Variants in PLD5 observed in about 807,000 individuals in gnomAD.
PLD5 encodes the protein phospholipase D family member 5.
Under a neutral mutation model 61.1 loss-of-function variants are expected in PLD5, and 36 were observed. That is an observed-to-expected ratio of 0.59 (90% CI 0.45 to 0.78). The LOEUF is 0.78. Ranked by LOEUF, PLD5 falls within the 30% of genes least tolerant of loss-of-function variation. PLD5 has a pLI of 0.00. For missense variants in PLD5, 515 were observed against 644.4 expected (o/e 0.80, Z 2.17); for synonymous variants, 243 against 242.8 (o/e 1.00, Z -0.01).
At chr1:242,334,646 A>T (rs551271293) in intron 2 of PLD5, among the ~76,000 whole-genome samples, 1 of 152,146 alleles carries the variant, frequency 6.6e-6, no homozygotes, top group Non-Finnish European at 1.5e-5. Context: ...ACAGAAAGGA[A>T]TCAGAATATG....
chr1:242,515,552 C>G (rs980876407), intron 1 of PLD5, among the ~76,000 whole-genome samples: 1 of 152,334 alleles, frequency 6.6e-6, no homozygotes, highest in East Asian at 1.9e-4. Context: ...ATCATACTGT[C>G]TATGTCTGTC....
chr1:242,149,181 C>T (rs925560932), intron 5 of PLD5, among the ~76,000 whole-genome samples: 1 of 151,868 alleles, frequency 6.6e-6, no homozygotes, highest in Non-Finnish European at 1.5e-5. Flanking sequence ...TTCCTTTTAA[C>T]TCTAGTTTTC....
intron 1 of PLD5, among the ~76,000 whole-genome samples, chr1:242,391,669 T>C (rs1468541196): frequency 1.3e-5 from 2 of 152,144 alleles, no homozygotes; most frequent in Non-Finnish European, 2.9e-5. Context: ...AGAAATAGAA[T>C]ATCCACCTTA....
intron 5 of PLD5, among the ~76,000 whole-genome samples, chr1:242,169,176 T>C (rs1417028880): frequency 6.6e-6 from 1 of 152,006 alleles, no homozygotes; most frequent in Non-Finnish European, 1.5e-5. Context: ...ACAGCTCTAG[T>C]CTGCAGCTCC....
chr1:242,279,679 G>C (rs573568046), intron 3 of PLD5, among the ~76,000 whole-genome samples: 2 of 152,086 alleles, frequency 1.3e-5, no homozygotes, highest in Non-Finnish European at 1.5e-5. Context: ...GACTACAGGC[G>C]CCTGCCACCA....
chr1:242,190,763 T>A (rs1260747578), intron 5 of PLD5, among the ~76,000 whole-genome samples: 1 of 151,914 alleles, frequency 6.6e-6, no homozygotes, highest in Non-Finnish European at 1.5e-5. Context: ...AAAAATCCCA[T>A]ACAAGATGGC....
At chr1:242,407,908 C>A in intron 1 of PLD5, among the ~76,000 whole-genome samples, 1 of 146,328 alleles carries the variant, frequency 6.8e-6, no homozygotes, top group East Asian at 2.0e-4. Flanking sequence ...AAAAGGGAAG[C>A]AAAGAATACA....
intron 1 of PLD5, among the ~76,000 whole-genome samples, chr1:242,382,194 G>A (rs1662333369): frequency 6.6e-6 from 1 of 151,456 alleles, no homozygotes; most frequent in South Asian, 2.1e-4. Context: ...AGTTATCGAG[G>A]GTTGTATTTT....
chr1:242,203,431 G>C (rs1669113471), intron 5 of PLD5: 1 of 152,224 alleles, frequency 6.6e-6, no homozygotes, highest in Admixed American at 6.5e-5. Context: ...ATGTAATCTG[G>C]GTGTTTGTTC....
rs1375556918 is a variant in PLD5 at position 242,085,438 on chromosome 1, A to G, written c.*4416T>C. Reference sequence around the variant, plus strand: ...AAGATGGGAATTCTCTCAAATGAGAAAGACAGGCTGCGAACTGGGGTTGAT... The same window carrying G: ...AAGATGGGAATTCTCTCAAATGAGAGAGACAGGCTGCGAACTGGGGTTGAT... On this transcript the variant is annotated 3_prime_UTR_variant, in exon 10 of 10. Coordinates refer to ENST00000536534, the MANE Select transcript of PLD5 (RefSeq NM_001372062.1). 6.6e-6 allele frequency: 1 copy of G among 152,236 alleles called. No individual in the cohort carries two copies. The highest frequency in any genetic ancestry group is 6.5e-5 in the Admixed American group (1 of 15,282). 9.4% of individuals were successfully genotyped at this position (152,236 alleles called of 1,614,324 possible).
At chr1:242,477,267 A>G (rs1437122388) in intron 1 of PLD5, among the ~76,000 whole-genome samples, 3 of 152,056 alleles carry the variant, frequency 2.0e-5, no homozygotes, top group Non-Finnish European at 4.4e-5. Context: ...GAAAAAAAAA[A>G]TAGTAAGGGC....
At chr1:242,101,545 T>C (rs2148670075) in intron 8 of PLD5, among the ~76,000 whole-genome samples, 1 of 152,246 alleles carries the variant, frequency 6.6e-6, no homozygotes, top group South Asian at 2.1e-4. Context: ...TGGAAGACAC[T>C]AGTCAAAGGT....
At position 242,394,771 on chromosome 1, in the gene PLD5, T is replaced by TATATATGTGTATATATGTGAAC. The variant is rs1663330541; in HGVS notation, c.190-46530_190-46529insGTTCACATATATACACATATAT. On this transcript the variant is annotated intron_variant, in intron 1 of 9. Coordinates refer to ENST00000536534, the MANE Select transcript of PLD5 (RefSeq NM_001372062.1). ...GAACATATATGTGTATATATGTGAA[T>TATATATGTGTATATATGTGAAC]ATATATGTGTATATATGTGAATATA... Among the ~76,000 whole-genome samples, 3 of 28,154 alleles carry TATATATGTGTATATATGTGAAC rather than the reference T, an allele frequency of 1.1e-4. 1 individual carries two copies. Among genetic ancestry groups the TATATATGTGTATATATGTGAAC allele is most frequent in the South Asian group, 1.5e-3 (1 of 666 alleles). The allele number at this position is 28,154 out of a possible 152,430, so 18.5% of individuals were successfully genotyped here.
intron 1 of PLD5, among the ~76,000 whole-genome samples, chr1:242,446,732 C>T (rs1240636026): frequency 6.6e-6 from 1 of 152,184 alleles, no homozygotes; most frequent in Non-Finnish European, 1.5e-5. Flanking sequence ...GCAACTAAAA[C>T]AGGTGACATC....
chr1:242,161,535 T>C (rs543109631), intron 5 of PLD5, among the ~76,000 whole-genome samples: 25 of 152,210 alleles, frequency 1.6e-4, no homozygotes, highest in African/African-American at 5.5e-4. Flanking sequence ...TCCTATATTA[T>C]AAAAATTAAC....
intron 3 of PLD5, among the ~76,000 whole-genome samples, chr1:242,280,249 A>T (rs1396596860): frequency 6.6e-6 from 1 of 152,230 alleles, no homozygotes; most frequent in Non-Finnish European, 1.5e-5. Context: ...CTATTAGTCA[A>T]TCAAATGTAT....
At chr1:242,127,567 C>T (rs1662894558) in intron 5 of PLD5, among the ~76,000 whole-genome samples, 1 of 150,914 alleles carries the variant, frequency 6.6e-6, no homozygotes, top group South Asian at 2.1e-4. Context: ...GAAAACCAAA[C>T]ATCATATGTT....
chr1:242,483,851 C>A (rs1275442209), intron 1 of PLD5, among the ~76,000 whole-genome samples: 1 of 152,058 alleles, frequency 6.6e-6, no homozygotes, highest in Non-Finnish European at 1.5e-5. Context: ...GAAATTACAA[C>A]AAACTGTCTC....
At chr1:242,146,469 C>A (rs1664547827) in intron 5 of PLD5, among the ~76,000 whole-genome samples, 1 of 152,066 alleles carries the variant, frequency 6.6e-6, no homozygotes. Flanking sequence ...AGTCTATTTA[C>A]CTAAAAAAAC....
Sources: gnomAD v4.1 joint callset for allele counts (sites outside exome capture counted in the v4.1 genomes callset) on GRCh38, gnomAD v4.1.1 for gene constraint, MANE v1.5 for transcripts, NCBI Gene and HGNC (gene_info 2026-07-23, HGNC 2026-07-21) for gene names.